The following EPN1 variants were observed in gnomAD, a reference collection of about 807,000 sequenced individuals.
EPN1 encodes epsin 1.
A neutral mutation model predicts 56.9 loss-of-function variants in EPN1; 25 were observed. The observed-to-expected ratio is 0.44, with a 90% CI of 0.32 to 0.61. The LOEUF (loss-of-function observed/expected upper bound fraction) is 0.61. Ranked by LOEUF, EPN1 falls within the 20% of genes least tolerant of loss-of-function variation. EPN1 has a pLI of 0.05. For synonymous variants in EPN1, 411 were observed against 361.8 expected, an observed-to-expected ratio of 1.14 and a Z score of -1.54; for missense variants, 785 against 823.7, an observed-to-expected ratio of 0.95 and a Z score of 0.58.
At position 55,691,510 on chromosome 19, in the gene EPN1, G is replaced by C. The variant is rs555083465; in HGVS notation, c.763-244G>C. Among the ~76,000 whole-genome samples, 5 of 152,004 alleles carry C rather than the reference G, an allele frequency of 3.3e-5. No homozygotes were observed. The South Asian group carries it at 1.0e-3, about 32-fold the overall frequency. On this transcript the variant is annotated intron_variant, in intron 6 of 10. Coordinates refer to ENST00000270460, the MANE Select transcript of EPN1 (RefSeq NM_001130072.2). The surrounding 1 kb of genome is among the most constrained non-coding windows in gnomAD (Gnocchi z 5.6). The stretch of plus-strand genomic sequence containing the variant: ...ATGGATGTGGGGCAGGAGTGGGGCT[G>C]TGTTGGGGCTCCCTGGTGGTACCCT...
At chr19:55,684,481 A>G (rs1436313357) in intron 2 of EPN1, among the ~76,000 whole-genome samples, 1 of 152,058 alleles carries the variant, frequency 6.6e-6, no homozygotes, top group Non-Finnish European at 1.5e-5. Flanking sequence ...TATTAATTTC[A>G]ACTTGTTGAA....
chr19:55,684,383 G>T (rs914198285), intron 2 of EPN1, among the ~76,000 whole-genome samples: 12 of 152,232 alleles, frequency 7.9e-5, no homozygotes, highest in South Asian at 4.1e-4. Flanking sequence ...ACCCCCTGCA[G>T]AGCCTTAAGG....
At chr19:55,683,662 T>C (rs1292981621) in intron 2 of EPN1, among the ~76,000 whole-genome samples, 2 of 152,260 alleles carry the variant, frequency 1.3e-5, no homozygotes. Flanking sequence ...CTCATTTCTC[T>C]TTTATTTCAG....
At chr19:55,693,061 C>A in intron 9 of EPN1, 24 bp downstream of exon 9, 1 of 1,604,906 alleles carries the variant, frequency 6.2e-7, no homozygotes, top group Non-Finnish European at 8.5e-7. Flanking sequence ...CTCCCCTGCC[C>A]AGTGGCGAGA....
At position 55,709,229 on chromosome 19, in the gene EPN1, C is replaced by A; in HGVS notation, c.*13873C>A. 2 of 414,064 alleles carry A rather than the reference C, an allele frequency of 4.8e-6. No homozygotes were observed. Among genetic ancestry groups the A allele is most frequent in the South Asian group, 5.8e-5 (1 of 17,172 alleles). The allele number at this position is 414,064 out of a possible 1,614,324, so 25.6% of individuals were successfully genotyped here. ...TAGGATAGGAAGCCTCTGATTTATA[C>A]CATAAAGTGAAATTTCATATACAGG... On this transcript the variant is annotated 3_prime_UTR_variant, in exon 11 of 11. Coordinates refer to ENST00000270460, the MANE Select transcript of EPN1 (RefSeq NM_001130072.2).
Position 55,694,908 on chromosome 19 carries a change from G to T in EPN1, c.1447G>T (p.Asp483Tyr). 4 of 1,586,154 alleles carry T rather than the reference G, an allele frequency of 2.5e-6. No individual in the cohort carries two copies. Among genetic ancestry groups the T allele is most frequent in the Non-Finnish European group, 3.4e-6 (4 of 1,166,640 alleles). The change falls in exon 10 of 11, where the codon GAC becomes TAC. Residue 483 changes from aspartate to tyrosine, a missense_variant. Asp to Tyr is a radical substitution (Grantham distance 160). Coordinates refer to ENST00000270460, the MANE Select transcript of EPN1 (RefSeq NM_001130072.2). The surrounding 1 kb of genome is among the most constrained non-coding windows in gnomAD (Gnocchi z 4.2). ...SFLGPNAALV[D>Y]LDSLVSRPGP... ...CCTGGGGCCCAATGCAGCCCTCGTCGACCTGGACTCGCTGGTGAGCCGGCC... is the reference window on the plus strand; with the variant it reads ...CCTGGGGCCCAATGCAGCCCTCGTCTACCTGGACTCGCTGGTGAGCCGGCC...
chr19:55,693,104 C>A (rs1986688451), intron 9 of EPN1, 67 bp downstream of exon 9: 10 of 1,498,546 alleles, frequency 6.7e-6, no homozygotes, highest in East Asian at 4.6e-5. Context: ...GGAGCCCCGT[C>A]CCTTGCTGTC....
rs1212956428 is a variant in EPN1, at chr19:55,689,340, C to T, written c.647C>T (p.Ala216Val). 1.9e-6 allele frequency: 3 copies of T among 1,551,910 alleles called. No individual in the cohort carries two copies. Among genetic ancestry groups the T allele is most frequent in the Non-Finnish European group, 1.7e-6 (2 of 1,147,028 alleles). ...GPEDDAQLQL[A>V]LSLSREEHDK... Reference sequence around the variant, plus strand: ...GAGGACGACGCCCAGCTCCAGCTGGCCCTTAGTTTGAGCCGAGAAGAGCAT... The same window carrying T: ...GAGGACGACGCCCAGCTCCAGCTGGTCCTTAGTTTGAGCCGAGAAGAGCAT... The change falls in exon 5 of 11, where the codon GCC (alanine) becomes GTC (valine). Residue 216 changes from alanine (A) to valine (V), a missense_variant. Coordinates refer to ENST00000270460, the MANE Select transcript of EPN1 (RefSeq NM_001130072.2). This position sits in a 1 kb window ranked among gnomAD's most constrained non-coding sequence, Gnocchi z 5.7.
chr19:55,685,174 C>T (rs1422471493), intron 2 of EPN1, among the ~76,000 whole-genome samples: 8 of 152,258 alleles, frequency 5.3e-5, no homozygotes, highest in Admixed American at 1.3e-4. Context: ...TGTCGCTGAG[C>T]GCAGTACCTC....
chr19:55,677,593 C>T (rs1245880892), intron 1 of EPN1: 3 of 1,551,058 alleles, frequency 1.9e-6, no homozygotes, highest in African/African-American at 1.4e-5. Context: ...TAATGTCCCT[C>T]TTGTGCTGAG....
At chr19:55,677,024 A>T in intron 1 of EPN1, 1 of 1,292,570 alleles carries the variant, frequency 7.7e-7, no homozygotes, top group Non-Finnish European at 1.0e-6. Context: ...GTTACTTTTT[A>T]ACTAGCTACA....
rs73615219 is a variant in EPN1 at position 55,703,243 on chromosome 19, T to A, written c.*7887T>A. The A allele has an allele frequency of 6.6e-6, 1 of 152,278 alleles. No individual in the cohort carries two copies. The highest frequency in any genetic ancestry group is 2.1e-4 in the South Asian group (1 of 4,824). 9.4% of individuals were successfully genotyped at this position (152,278 alleles called of 1,614,324 possible). The stretch of plus-strand genomic sequence containing the variant: ...CTGGACAACACTGTCCGGAGGGGCC[T>A]AAGTGGGAAGTGCCCTCAACCAAGG... On this transcript the variant is annotated 3_prime_UTR_variant, in exon 11 of 11. Transcript: ENST00000270460.
rs1035287687 is a variant in EPN1 at position 55,696,311 on chromosome 19, G to A, written c.*955G>A. The A allele has an allele frequency of 6.6e-6, 1 of 152,314 alleles. No homozygotes were observed. Among genetic ancestry groups the A allele is most frequent in the Non-Finnish European group, 1.5e-5 (1 of 68,156 alleles). The allele number at this position is 152,314 out of a possible 1,614,324, so 9.4% of individuals were successfully genotyped here. A position where few individuals can be genotyped will look rare whatever the true frequency, so the allele number is the denominator to read the frequency against. ...TGGACCACACCTGGTGAGACTATCCGGGAGAATCCTCGGGCCGCCTTGTGA... is the reference window on the plus strand; with the variant it reads ...TGGACCACACCTGGTGAGACTATCCAGGAGAATCCTCGGGCCGCCTTGTGA... On this transcript the variant is annotated 3_prime_UTR_variant, in exon 11 of 11. Transcript: ENST00000270460.
chr19:55,678,181 C>T (rs1293309430), intron 1 of EPN1, among the ~76,000 whole-genome samples: 1 of 152,090 alleles, frequency 6.6e-6, no homozygotes, highest in Non-Finnish European at 1.5e-5. Context: ...CCGGTGTTTA[C>T]AGGGCGTCAG....
Position 55,702,594 on chromosome 19 carries a change from T to G in EPN1, c.*7238T>G, listed in dbSNP as rs1406168881. Reference sequence around the variant, plus strand: ...GCTGCTCTTTGTTAGGAGAAGTGATTTCTTTGAACTGCGTGGTGTGGTGAG... The same window carrying G: ...GCTGCTCTTTGTTAGGAGAAGTGATGTCTTTGAACTGCGTGGTGTGGTGAG... On this transcript the variant is annotated 3_prime_UTR_variant, in exon 11 of 11. Coordinates refer to ENST00000270460, the MANE Select transcript of EPN1 (RefSeq NM_001130072.2). 1 of 152,180 alleles carries G rather than the reference T, an allele frequency of 6.6e-6. No homozygotes were observed. The highest frequency in any genetic ancestry group is 6.5e-5 in the Admixed American group (1 of 15,286). 9.4% of individuals were successfully genotyped at this position (152,180 alleles called of 1,614,324 possible).
Position 55,708,074 on chromosome 19 carries a change from A to G in EPN1, c.*12718A>G, listed in dbSNP as rs892014926. ...AAGCAAGTAAGTGCGAGCACTCTACATTGAAGATTATAGAAAATTCAGCCT... is the reference window on the plus strand; with the variant it reads ...AAGCAAGTAAGTGCGAGCACTCTACGTTGAAGATTATAGAAAATTCAGCCT... On this transcript the variant is annotated 3_prime_UTR_variant, in exon 11 of 11. Transcript: ENST00000270460. The G allele has an allele frequency of 6.6e-6, 1 of 152,310 alleles. No homozygotes were observed. The highest frequency in any genetic ancestry group is 6.5e-5 in the Admixed American group (1 of 15,284). The allele number at this position is 152,310 out of a possible 1,614,324, so 9.4% of individuals were successfully genotyped here.
At chr19:55,685,301 C>G in intron 2 of EPN1, 95 bp from the exon 3 acceptor site, 1 of 1,481,904 alleles carries the variant, frequency 6.7e-7, no homozygotes, top group Non-Finnish European at 9.0e-7. Flanking sequence ...GTGGGCCTTG[C>G]GCCCAGTCGG....
rs200194873 is a variant in EPN1 at position 55,685,527 on chromosome 19, C to A, written c.360C>A (p.Gly120=). 3.7e-6 allele frequency: 6 copies of A among 1,612,440 alleles called. No individual in the cohort carries two copies. Among genetic ancestry groups the A allele is most frequent in the Non-Finnish European group, 5.1e-6 (6 of 1,179,280 alleles). Residue 120 remains glycine (G), a synonymous_variant, in exon 3 of 11, where the codon GGC becomes GGA. Transcript: ENST00000270460. ...TGGACCGCGACGGCAAGGACCAGGGCGTGAACGTGCGTGAGAAAGCTAAGC... is the reference window on the plus strand; with the variant it reads ...TGGACCGCGACGGCAAGGACCAGGGAGTGAACGTGCGTGAGAAAGCTAAGC... The part of the protein sequence containing the change: ...QYVDRDGKDQ[G]VNVREKAKQL...
intron 1 of EPN1, among the ~76,000 whole-genome samples, chr19:55,676,281 C>T (rs572632274): frequency 3.3e-5 from 5 of 151,906 alleles, no homozygotes; most frequent in South Asian, 4.2e-4. Flanking sequence ...AGATATCGGT[C>T]GGTTATTGGA....
Sources: allele counts gnomAD v4.1 joint callset (sites outside exome capture counted in the v4.1 genomes callset), GRCh38; gene constraint gnomAD v4.1.1; non-coding constraint Gnocchi (gnomAD v3.1); transcripts MANE v1.5; gene names NCBI Gene and HGNC (gene_info 2026-07-23, HGNC 2026-07-21).